Variants in SLC25A42 observed in about 807,000 individuals in gnomAD.
SLC25A42 encodes solute carrier family 25 member 42, also known as mitochondrial coenzyme A transporter SLC25A42.
A neutral mutation model predicts 34.7 loss-of-function variants in SLC25A42; 19 were observed. That is an observed-to-expected ratio of 0.55 (90% CI 0.38 to 0.80). The LOEUF (loss-of-function observed/expected upper bound fraction) is 0.80, where lower values mean the gene tolerates loss of function less well. SLC25A42 is among the 30% of genes least tolerant of loss of function. The probability of loss-of-function intolerance (pLI) is 0.00; values close to 1 mark genes in which losing one functional copy is unlikely to be tolerated. For synonymous variants in SLC25A42, 205 were observed against 191.2 expected, an observed-to-expected ratio of 1.07 and a Z score of -0.59; for missense variants, 364 against 441.3, an observed-to-expected ratio of 0.82 and a Z score of 1.57.
chr19:19,079,177 T>A (rs909543224), intron 1 of SLC25A42, among the ~76,000 whole-genome samples: 2 of 152,048 alleles, frequency 1.3e-5, no homozygotes, highest in African/African-American at 2.4e-5. Context: ...TGCCTCAACC[T>A]CCTGAGTAGC....
chr19:19,065,022 T>C lies in SLC25A42; in HGVS notation c.-35+907T>C, dbSNP rs1176400878. Reference sequence around the variant, plus strand: ...TGAATGCTAGAGGCAGAGCCTATTCTACCCTGGGCATCGCTGACCCTCTGC... The same window carrying C: ...TGAATGCTAGAGGCAGAGCCTATTCCACCCTGGGCATCGCTGACCCTCTGC... On this transcript the variant is annotated intron_variant, in intron 1 of 7. Transcript: ENST00000318596. Among the ~76,000 whole-genome samples, 4 of 152,226 alleles carry C rather than the reference T, an allele frequency of 2.6e-5. No homozygotes were observed. In the East Asian group the frequency reaches 7.7e-4, roughly 29 times the overall value.
intron 1 of SLC25A42, among the ~76,000 whole-genome samples, chr19:19,066,706 C>G (rs1314420059): frequency 6.6e-6 from 1 of 152,114 alleles, no homozygotes; most frequent in Non-Finnish European, 1.5e-5. Context: ...CTGCCTCGGT[C>G]TCCCAAAGTG....
intron 5 of SLC25A42, 104 bp from the exon 6 acceptor site, chr19:19,106,165 C>T (rs1385669535): frequency 7.1e-6 from 7 of 986,316 alleles, no homozygotes; most frequent in Non-Finnish European, 1.1e-5. Flanking sequence ...CGGTCCCCAC[C>T]CCTGTCCCCG....
Position 19,096,019 on chromosome 19 carries a change from G to A in SLC25A42, c.-34-72G>A, listed in dbSNP as rs139060123. 1.0e-3 allele frequency: 1,083 copies of A among 1,042,918 alleles called. 12 individuals carry two copies. In the African/African-American group the frequency reaches 0.015, roughly 15 times the overall value. 64.6% of individuals were successfully genotyped at this position (1,042,918 alleles called of 1,614,324 possible). A position where few individuals can be genotyped will look rare whatever the true frequency, so the allele number is the denominator to read the frequency against. ...CGCAGGGAGCCAGAAACTGGGATAG[G>A]AAAAGGCTGGTGGAACACCCACCAT... On this transcript the variant is annotated intron_variant, in intron 1 of 7. Transcript: ENST00000318596.
Position 19,105,919 on chromosome 19 carries a change from A to G in SLC25A42, c.380+192A>G, listed in dbSNP as rs12977069. ...ACCCCCTGACTCTGTCACATGCCCT[A>G]TTCTGTCTTCAGAGCTCCTCTCCTT... On this transcript the variant is annotated intron_variant, in intron 5 of 7. Coordinates refer to ENST00000318596, the MANE Select transcript of SLC25A42 (RefSeq NM_178526.5). 128,254 of 590,374 alleles carry G rather than the reference A, an allele frequency of 0.22. 15,553 individuals carry two copies. Among genetic ancestry groups the G allele is most frequent in the East Asian group, 0.29 (10,154 of 34,748 alleles). The allele number at this position is 590,374 out of a possible 1,614,324, so 36.6% of individuals were successfully genotyped here.
At chr19:19,080,358 C>G (rs2145904308) in intron 1 of SLC25A42, among the ~76,000 whole-genome samples, 1 of 152,254 alleles carries the variant, frequency 6.6e-6, no homozygotes, top group Non-Finnish European at 1.5e-5. Context: ...GCCCCACCCC[C>G]TACCCATTGG....
Position 19,105,743 on chromosome 19 carries a change from G to A in SLC25A42, c.380+16G>A, listed in dbSNP as rs977771341. On this transcript the variant is annotated intron_variant, in intron 5 of 7. Coordinates refer to ENST00000318596, the MANE Select transcript of SLC25A42 (RefSeq NM_178526.5). ...TCCGTGGAGAGTGAGGCCCCGCCCC[G>A]CCCTGCCACAGAATCGCCCCGCCCA... 3 of 1,495,526 alleles carry A rather than the reference G, an allele frequency of 2.0e-6. No homozygotes were observed. Among genetic ancestry groups the A allele is most frequent in the South Asian group, 1.2e-5 (1 of 80,940 alleles). 92.6% of individuals were successfully genotyped at this position (1,495,526 alleles called of 1,614,324 possible). A position where few individuals can be genotyped will look rare whatever the true frequency, so the allele number is the denominator to read the frequency against.
chr19:19,091,650 G>T (rs2059738685), intron 1 of SLC25A42, among the ~76,000 whole-genome samples: 1 of 152,152 alleles, frequency 6.6e-6, no homozygotes, highest in African/African-American at 2.4e-5. Context: ...GCTGAGGCAG[G>T]AGGACCACTT....
chr19:19,085,632 A>G (rs1032588151), intron 1 of SLC25A42, among the ~76,000 whole-genome samples: 2 of 152,192 alleles, frequency 1.3e-5, no homozygotes, highest in African/African-American at 4.8e-5. Context: ...TTGGCCTCCC[A>G]AAGTGTTAGG....
intron 2 of SLC25A42, among the ~76,000 whole-genome samples, chr19:19,097,533 G>A (rs934280537): frequency 1.3e-5 from 2 of 152,240 alleles, no homozygotes; most frequent in African/African-American, 4.8e-5. Flanking sequence ...CGCCAGTGCT[G>A]GTCACTTGCC....
At chr19:19,080,922 T>TAAAAA (rs11374996) in intron 1 of SLC25A42, among the ~76,000 whole-genome samples, 1 of 128,432 alleles carries the variant, frequency 7.8e-6, no homozygotes, top group Non-Finnish European at 1.6e-5. Flanking sequence ...CCTATAAAAT[T>TAAAAA]TAAAAAAAAA....
intron 1 of SLC25A42, among the ~76,000 whole-genome samples, chr19:19,071,061 T>C (rs115311468): frequency 0.023 from 3,349 of 148,338 alleles, 120 homozygotes; most frequent in African/African-American, 0.08. Context: ...AGTGGGAGTG[T>C]GGTGGCAAGA....
At position 19,073,986 on chromosome 19, in the gene SLC25A42, G is replaced by A. The variant is rs557510781; in HGVS notation, c.-35+9871G>A. 5.4e-4 allele frequency among the ~76,000 whole-genome samples: 83 copies of A among 152,336 alleles called. 3 individuals are homozygous for A. The South Asian group carries it at 0.017, about 30-fold the overall frequency. ...GCCTCCCAAAGTGCTGGGATTACAG[G>A]CATGAGCCACCACGCCCAACCAAAC... On this transcript the variant is annotated intron_variant, in intron 1 of 7. Transcript: ENST00000318596.
At chr19:19,096,035 C>A in intron 1 of SLC25A42, 56 bp from the exon 2 acceptor site, 2 of 1,168,356 alleles carry the variant, frequency 1.7e-6, no homozygotes, top group Non-Finnish European at 2.5e-6. Flanking sequence ...GCTGGTGGAA[C>A]ACCCACCATC....
intron 1 of SLC25A42, among the ~76,000 whole-genome samples, chr19:19,065,343 G>C (rs1423693006): frequency 6.6e-6 from 1 of 152,146 alleles, no homozygotes; most frequent in Non-Finnish European, 1.5e-5. Context: ...AGCCGATAAA[G>C]AGTAAGGAAA....
intron 1 of SLC25A42, among the ~76,000 whole-genome samples, chr19:19,073,908 A>G (rs1438237873): frequency 6.6e-6 from 1 of 152,130 alleles, no homozygotes; most frequent in Non-Finnish European, 1.5e-5. Flanking sequence ...GGGTTTTACC[A>G]TGTTGCCCAG....
chr19:19,105,774 G>GCC, intron 5 of SLC25A42, 47 bp downstream of exon 5: 1 of 1,111,596 alleles, frequency 9.0e-7, no homozygotes, highest in Non-Finnish European at 1.1e-6. Flanking sequence ...GCCCACGCCC[G>GCC]CCCCTCTCTC....
rs773556074 is a variant in SLC25A42, at chr19:19,107,993, C to G, written c.597C>G (p.Pro199=). 11 of 1,611,156 alleles carry G rather than the reference C, an allele frequency of 6.8e-6. No homozygotes were observed. The South Asian group carries it at 1.2e-4, about 18-fold the overall frequency. ...TGCCCACCGTGCTGGGGGTCATTCC[C>G]TACGCTGGCCTGAGCTTCTTCACCT... ...GFMPTVLGVI[P]YAGLSFFTYE... is the part of the protein sequence containing the mutation. The change falls in exon 7 of 8, where the codon CCC becomes CCG. Residue 199 remains proline, a synonymous_variant. Transcript: ENST00000318596.
At chr19:19,072,060 C>T (rs2059633329) in intron 1 of SLC25A42, among the ~76,000 whole-genome samples, 1 of 152,102 alleles carries the variant, frequency 6.6e-6, no homozygotes, top group South Asian at 2.1e-4. Flanking sequence ...GCTGTGTTGC[C>T]CAGGCTGATC....
Sources: gnomAD v4.1 joint callset for allele counts (sites outside exome capture counted in the v4.1 genomes callset) on GRCh38, gnomAD v4.1.1 for gene constraint, MANE v1.5 for transcripts, NCBI Gene and HGNC (gene_info 2026-07-23, HGNC 2026-07-21) for gene names.